Variants in SLC7A5 observed in about 807,000 individuals in gnomAD.
SLC7A5 encodes the protein solute carrier family 7 member 5, also known as large neutral amino acids transporter small subunit 1.
A neutral mutation model predicts 50.2 loss-of-function variants in SLC7A5; 23 were observed. The observed-to-expected ratio is 0.46, with a 90% CI of 0.33 to 0.65. SLC7A5 has a LOEUF of 0.65. SLC7A5 is among the 30% of genes least tolerant of loss of function. SLC7A5 has a pLI of 0.02. For synonymous variants in SLC7A5, 393 were observed against 330.6 expected, an observed-to-expected ratio of 1.19 and a Z score of -2.05; for missense variants, 578 against 684.4, an observed-to-expected ratio of 0.84 and a Z score of 1.73.
chr16:87,846,850 G>A (rs1457643432), intron 2 of SLC7A5, among the ~76,000 whole-genome samples: 2 of 152,238 alleles, frequency 1.3e-5, no homozygotes, highest in African/African-American at 4.8e-5. Context: ...GTTGGACCCT[G>A]CATGGCAGTG....
chr16:87,840,055 C>A (rs934383071), intron 4 of SLC7A5, among the ~76,000 whole-genome samples: 2 of 152,222 alleles, frequency 1.3e-5, no homozygotes, highest in Non-Finnish European at 2.9e-5. Flanking sequence ...TCAGCTTCCC[C>A]ACCTGAGAAA....
chr16:87,838,851 C>T lies in SLC7A5; in HGVS notation c.940-34G>A, dbSNP rs184567321. 1.5e-5 allele frequency: 23 copies of T among 1,539,736 alleles called. No homozygotes were observed. In the East Asian group the frequency reaches 1.8e-4, roughly 12 times the overall value. ...GCACAACCAGTGAGCTGGGCCCCAC[C>T]GGGCCGGCCCTCGCCCTCCCTGTGC... On this transcript the variant is annotated intron_variant, in intron 5 of 9. Coordinates refer to ENST00000261622, the MANE Select transcript of SLC7A5 (RefSeq NM_003486.7).
intron 7 of SLC7A5, chr16:87,836,876 G>A: frequency 1.8e-6 from 1 of 541,366 alleles, no homozygotes; most frequent in Non-Finnish European, 3.4e-6. Flanking sequence ...AAGGAGGGAG[G>A]AGAGGAGGGA....
At chr16:87,848,239 A>G (rs984421076) in intron 2 of SLC7A5, among the ~76,000 whole-genome samples, 32 of 152,234 alleles carry the variant, frequency 2.1e-4, no homozygotes, top group African/African-American at 7.0e-4. Context: ...CAACTATCCA[A>G]TCTGTAACTG....
chr16:87,837,534 A>G, intron 7 of SLC7A5: 1 of 411,188 alleles, frequency 2.4e-6, no homozygotes, highest in East Asian at 4.4e-5. Flanking sequence ...CCGCTGAGAA[A>G]CGAACAGAGT....
intron 2 of SLC7A5, among the ~76,000 whole-genome samples, chr16:87,845,215 T>C (rs1350112822): frequency 6.6e-6 from 1 of 152,154 alleles, no homozygotes; most frequent in East Asian, 1.9e-4. Flanking sequence ...GCATCAGGCA[T>C]GGTCAGGGGC....
Position 87,853,380 on chromosome 16 carries a change from T to C in SLC7A5, c.539-1531A>G, listed in dbSNP as rs955980254. On this transcript the variant is annotated intron_variant, in intron 1 of 9. Coordinates refer to ENST00000261622, the MANE Select transcript of SLC7A5 (RefSeq NM_003486.7). This position sits in a 1 kb window ranked among gnomAD's most constrained non-coding sequence, Gnocchi z 4.4. ...AGACGGCTACTACACACCAGGAAAG[T>C]CTGGTTGAAAAATGTCTGAAAGTCA... is the stretch of plus-strand genomic sequence containing the variant. Among the ~76,000 whole-genome samples the C allele has an allele frequency of 2.0e-5, 3 of 152,138 alleles. No individual in the cohort carries two copies. The highest frequency in any genetic ancestry group is 4.8e-5 in the African/African-American group (2 of 41,424).
rs771638454 is a variant in SLC7A5, at chr16:87,838,793, C to G, written c.964G>C (p.Val322Leu). 1.2e-6 allele frequency: 2 copies of G among 1,613,884 alleles called. No individual in the cohort carries two copies. Among genetic ancestry groups the G allele is most frequent in the Non-Finnish European group, 1.7e-6 (2 of 1,179,998 alleles). ...AVDFGNYHLG[V>L]MSWIIPVFVG... ...AAGACGGGGATGATCCAGGACATGA[C>G]GCCCAGGTGATAGTTCCCGAAGTCC... Residue 322 changes from valine to leucine, a missense_variant, in exon 6 of 10, where the codon GTC becomes CTC. Val to Leu is a conservative substitution (Grantham distance 32). Coordinates refer to ENST00000261622, the MANE Select transcript of SLC7A5 (RefSeq NM_003486.7).
At chr16:87,857,993 A>T (rs923834273) in intron 1 of SLC7A5, among the ~76,000 whole-genome samples, 8 of 152,178 alleles carry the variant, frequency 5.3e-5, no homozygotes, top group African/African-American at 1.7e-4. Flanking sequence ...CAGGGTAAGC[A>T]GGAGAACTGG....
chr16:87,839,914 G>A lies in SLC7A5; in HGVS notation c.816-89C>T, dbSNP rs749281638. 3.3e-4 allele frequency: 508 copies of A among 1,553,146 alleles called. 1 individual carries two copies. The highest frequency in any genetic ancestry group is 4.3e-4 in the Non-Finnish European group (485 of 1,133,662). ...CAGGAGCCAGGTGGGCTCCTCGCAA[G>A]CAGTAGCTCCAGCCTCTGTGCTGGG... On this transcript the variant is annotated intron_variant, in intron 4 of 9. Coordinates refer to ENST00000261622, the MANE Select transcript of SLC7A5 (RefSeq NM_003486.7).
chr16:87,846,431 G>A (rs1597502221), intron 2 of SLC7A5, among the ~76,000 whole-genome samples: 1 of 152,242 alleles, frequency 6.6e-6, no homozygotes, highest in Admixed American at 6.5e-5. Flanking sequence ...GGAGAGCGGG[G>A]CCCGAAGCTC....
At position 87,852,738 on chromosome 16, in the gene SLC7A5, C is replaced by CGT. The variant is rs957153129; in HGVS notation, c.539-891_539-890dup. On this transcript the variant is annotated intron_variant, in intron 1 of 9. Coordinates refer to ENST00000261622, the MANE Select transcript of SLC7A5 (RefSeq NM_003486.7). The surrounding 1 kb of genome is among the most constrained non-coding windows in gnomAD (Gnocchi z 4.5). ...CACGCTGAGCCACTGTGTGTGTGTG[C>CGT]GTGTGTGTGTGTGTTTTGGGGGGTT... is the stretch of plus-strand genomic sequence containing the variant. Among the ~76,000 whole-genome samples, 6 of 134,662 alleles carry CGT rather than the reference C, an allele frequency of 4.5e-5. No individual in the cohort carries two copies. Among genetic ancestry groups the CGT allele is most frequent in the Admixed American group, 7.6e-5 (1 of 13,134 alleles). The allele number at this position is 134,662 out of a possible 152,430, so 88.3% of individuals were successfully genotyped here.
chr16:87,837,237 G>C (rs1229799531), intron 7 of SLC7A5, among the ~76,000 whole-genome samples: 2 of 152,204 alleles, frequency 1.3e-5, no homozygotes. Flanking sequence ...CAGCCTGTTG[G>C]GGGAGCCCAG....
At chr16:87,866,052 T>G (rs1164016815) in intron 1 of SLC7A5, among the ~76,000 whole-genome samples, 2 of 151,642 alleles carry the variant, frequency 1.3e-5, no homozygotes, top group East Asian at 3.9e-4. Flanking sequence ...CTTTTCCCAT[T>G]TGCACAAAGC....
At chr16:87,836,251 C>T (rs893300576) in intron 8 of SLC7A5, among the ~76,000 whole-genome samples, 3 of 152,268 alleles carry the variant, frequency 2.0e-5, no homozygotes, top group Non-Finnish European at 4.4e-5. Context: ...CTGCTTCCCT[C>T]CACCCAACGG....
rs2054948823 is a variant in SLC7A5, at chr16:87,832,757, A to G, written c.*213T>C. 1.8e-6 allele frequency: 1 copy of G among 557,888 alleles called. No individual in the cohort carries two copies. The highest frequency in any genetic ancestry group is 2.7e-5 in the Admixed American group (1 of 36,600). 34.6% of individuals were successfully genotyped at this position (557,888 alleles called of 1,614,324 possible). On this transcript the variant is annotated 3_prime_UTR_variant, in exon 10 of 10. Transcript: ENST00000261622. The surrounding 1 kb of genome is among the most constrained non-coding windows in gnomAD (Gnocchi z 4.6). ...CCAAAAGCTGCTCCTGGGCAGGAGC[A>G]CAGGCACACCTGGGTCCCTGGCCCT...
In SLC7A5 at chr16:87,839,836, C is replaced by G. The variant is rs33992624; in HGVS notation, c.816-11G>C. ...GCCAGGGGCAGGTTTCTGGAAAGAA[C>G]AGGGACGACATGTCACCCAACGCAG... On this transcript the variant is annotated splice_polypyrimidine_tract_variant and intron_variant, in intron 4 of 9. Coordinates refer to ENST00000261622, the MANE Select transcript of SLC7A5 (RefSeq NM_003486.7). 0.027 allele frequency: 43,159 copies of G among 1,613,564 alleles called. 736 individuals carry two copies. The highest frequency in any genetic ancestry group is 0.087 in the Middle Eastern group (527 of 6,062).
At chr16:87,866,442 A>AT (rs1310216704) in intron 1 of SLC7A5, among the ~76,000 whole-genome samples, 1 of 152,054 alleles carries the variant, frequency 6.6e-6, no homozygotes, top group East Asian at 1.9e-4. Context: ...CTGGGACTAC[A>AT]GGTGTGCGCC....
At chr16:87,836,788 T>G in intron 7 of SLC7A5, 141 bp from the exon 8 acceptor site, 1 of 778,260 alleles carries the variant, frequency 1.3e-6, no homozygotes, top group South Asian at 1.4e-5. Context: ...AAACCTCATC[T>G]GAGCAACATG....
Sources: gnomAD v4.1 joint callset for allele counts (sites outside exome capture counted in the v4.1 genomes callset) on GRCh38, gnomAD v4.1.1 for gene constraint, Gnocchi (gnomAD v3.1) non-coding constraint, MANE v1.5 for transcripts, NCBI Gene and HGNC (gene_info 2026-07-23, HGNC 2026-07-21) for gene names.